Variants in SHOC1 observed in about 807,000 individuals in gnomAD.
SHOC1 encodes protein shortage in chiasmata 1 ortholog.
In SHOC1, 136 loss-of-function variants were observed where a neutral mutation model predicts 179.2. The observed-to-expected ratio is 0.76, with a 90% CI of 0.66 to 0.87. The LOEUF (loss-of-function observed/expected upper bound fraction) is 0.87, where lower values mean the gene tolerates loss of function less well. Ranked by LOEUF, SHOC1 falls within the 40% of genes least tolerant of loss-of-function variation. The pLI, the probability that SHOC1 is intolerant of heterozygous loss-of-function variation, is 0.00. For missense variants in SHOC1, 1,538 were observed against 1,700.8 expected, an observed-to-expected ratio of 0.90 and a Z score of 1.68; for synonymous variants, 489 against 586.6, an observed-to-expected ratio of 0.83 and a Z score of 2.41.
At chr9:111,720,023 A>C (rs898254641) in intron 15 of SHOC1, among the ~76,000 whole-genome samples, 3 of 152,214 alleles carry the variant, frequency 2.0e-5, no homozygotes, top group Non-Finnish European at 4.4e-5. Flanking sequence ...AGAATACATG[A>C]AACAGCTATC....
rs373099053 is a variant in SHOC1, at chr9:111,728,035, T to C, written c.1432A>G (p.Lys478Glu). Reference protein sequence around the residue: ...VLQLESCLEHKSHSSPIALID... With the variant: ...VLQLESCLEHESHSSPIALID... ...AGTGCAATAGGTGAAGAATGACTTTTATGTTCTAGACATGCTGAAAACAGA... is the reference window on the plus strand; with the variant it reads ...AGTGCAATAGGTGAAGAATGACTTTCATGTTCTAGACATGCTGAAAACAGA... Residue 478 changes from lysine to glutamate, a missense_variant, in exon 13 of 28, where the codon AAA becomes GAA. Transcript: ENST00000682961. 60 of 1,591,142 alleles carry C rather than the reference T, an allele frequency of 3.8e-5. No individual in the cohort carries two copies. Among genetic ancestry groups the C allele is most frequent in the Admixed American group, 1.8e-5 (1 of 55,808 alleles).
At chr9:111,766,064 C>T (rs1472276709) in intron 5 of SHOC1, among the ~76,000 whole-genome samples, 4 of 152,156 alleles carry the variant, frequency 2.6e-5, no homozygotes, top group African/African-American at 9.7e-5. Context: ...TTCCCTACTA[C>T]CCTTCCCTGC....
intron 8 of SHOC1, among the ~76,000 whole-genome samples, chr9:111,755,511 TA>T (rs1382356883): frequency 1.3e-5 from 2 of 152,208 alleles, no homozygotes; most frequent in Non-Finnish European, 2.9e-5. Flanking sequence ...AGAGGGCAGT[TA>T]AATATTTGGG....
chr9:111,691,821 AT>A lies in SHOC1; in HGVS notation c.4155del (p.Lys1385AsnfsTer72), dbSNP rs772923133. ...QYGAQQTACN[K>X]LYSQKGNLFT... The stretch of plus-strand genomic sequence containing the variant: ...AATAAATTACCTTTCTGAGAGTACA[AT>A]TTGTTACATGCAGTCTGCTGTGCAC... On this transcript the variant is annotated frameshift_variant, in exon 27 of 28. Coordinates refer to ENST00000682961, the MANE Select transcript of SHOC1 (RefSeq NM_001378211.1). LOFTEE classifies it high-confidence loss of function. 3 of 1,613,778 alleles carry A rather than the reference AT, an allele frequency of 1.9e-6. No homozygotes were observed. The African/African-American group carries it at 4.0e-5, about 22-fold the overall frequency.
At chr9:111,784,529 T>A (rs961087647) in intron 3 of SHOC1, among the ~76,000 whole-genome samples, 7 of 152,198 alleles carry the variant, frequency 4.6e-5, no homozygotes, top group African/African-American at 1.7e-4. Flanking sequence ...GACTTTTAAA[T>A]CCCCACCCTT....
chr9:111,704,279 T>C (rs1832141054), intron 21 of SHOC1, among the ~76,000 whole-genome samples: 1 of 152,236 alleles, frequency 6.6e-6, no homozygotes, highest in Non-Finnish European at 1.5e-5. Flanking sequence ...TAAATAATAA[T>C]TCATGAAATC....
chr9:111,727,763 T>G lies in SHOC1; in HGVS notation c.1704A>C (p.Lys568Asn). 1.2e-6 allele frequency: 2 copies of G among 1,613,540 alleles called. No homozygotes were observed. The highest frequency in any genetic ancestry group is 1.7e-6 in the Non-Finnish European group (2 of 1,179,694). ...SIKSPSSSII[K>N]KASFEHGKKQ... is the part of the protein sequence containing the mutation. ...TTTTGCCATGTTCAAAAGATGCTTTTTTAATTATTGAAGAGGAAGGTGATT... is the reference window on the plus strand; with the variant it reads ...TTTTGCCATGTTCAAAAGATGCTTTGTTAATTATTGAAGAGGAAGGTGATT... Residue 568 changes from lysine (K) to asparagine (N), a missense_variant, in exon 13 of 28, where the codon AAA (lysine) becomes AAC (asparagine). Coordinates refer to ENST00000682961, the MANE Select transcript of SHOC1 (RefSeq NM_001378211.1).
Position 111,705,194 on chromosome 9 carries a change from C to CAT in SHOC1, c.2855+52_2855+53insAT, listed in dbSNP as rs1564111623. ...ATACACACACACACACACACACACA[C>CAT]ACATATATATATAATGTACACTTTT... On this transcript the variant is annotated intron_variant, in intron 21 of 27. Transcript: ENST00000682961. The CAT allele has an allele frequency of 4.6e-5, 35 of 756,634 alleles. No individual in the cohort carries two copies. In the African/African-American group the frequency reaches 5.9e-4, roughly 13 times the overall value. 46.9% of individuals were successfully genotyped at this position (756,634 alleles called of 1,614,324 possible). A position where few individuals can be genotyped will look rare whatever the true frequency, so the allele number is the denominator to read the frequency against.
intron 2 of SHOC1, among the ~76,000 whole-genome samples, chr9:111,787,907 T>A (rs1405100459): frequency 6.6e-6 from 1 of 152,184 alleles, no homozygotes; most frequent in Non-Finnish European, 1.5e-5. Flanking sequence ...CAAGGCAAGA[T>A]GCTCCACCAG....
intron 5 of SHOC1, among the ~76,000 whole-genome samples, chr9:111,765,093 A>G (rs2131587911): frequency 6.6e-6 from 1 of 151,892 alleles, no homozygotes; most frequent in African/African-American, 2.4e-5. Flanking sequence ...GTGAGCCGAG[A>G]TCACGCCACT....
At chr9:111,689,820 C>T (rs1007755673) in intron 27 of SHOC1, among the ~76,000 whole-genome samples, 3 of 151,978 alleles carry the variant, frequency 2.0e-5, no homozygotes, top group African/African-American at 7.2e-5. Flanking sequence ...GACTATTCTA[C>T]TCATATACCT....
chr9:111,756,224 C>A, intron 8 of SHOC1, 101 bp downstream of exon 8: 1 of 914,824 alleles, frequency 1.1e-6, no homozygotes, highest in South Asian at 2.8e-5. Flanking sequence ...AACATTTTTG[C>A]AAAATCTGGA....
Position 111,786,650 on chromosome 9 carries a change from G to C in SHOC1, c.46-615C>G, listed in dbSNP as rs138100092. On this transcript the variant is annotated intron_variant, in intron 2 of 27. Coordinates refer to ENST00000682961, the MANE Select transcript of SHOC1 (RefSeq NM_001378211.1). Reference sequence around the variant, plus strand: ...CTGTCCCAACATTTGAAACTTTTCCGTTATTATTCTATATGTTATGATAAT... The same window carrying C: ...CTGTCCCAACATTTGAAACTTTTCCCTTATTATTCTATATGTTATGATAAT... Among the ~76,000 whole-genome samples the C allele has an allele frequency of 2.6e-3, 393 of 151,414 alleles. 1 individual carries two copies. The highest frequency in any genetic ancestry group is 4.3e-3 in the Non-Finnish European group (292 of 67,936).
intron 13 of SHOC1, among the ~76,000 whole-genome samples, chr9:111,725,711 T>C (rs12352062): frequency 0.19 from 29,393 of 152,218 alleles, 2,995 homozygotes; most frequent in Non-Finnish European, 0.22. Context: ...AACACTTAAT[T>C]GAGGAAACAT....
At chr9:111,704,893 C>T (rs1477465027) in intron 21 of SHOC1, among the ~76,000 whole-genome samples, 1 of 151,848 alleles carries the variant, frequency 6.6e-6, no homozygotes, top group Non-Finnish European at 1.5e-5. Flanking sequence ...ATATAATTCA[C>T]AGAAAAAAGC....
At chr9:111,688,031 A>C (rs374170236) in intron 27 of SHOC1, among the ~76,000 whole-genome samples, 1 of 152,194 alleles carries the variant, frequency 6.6e-6, no homozygotes, top group African/African-American at 2.4e-5. Flanking sequence ...GGGAATATTA[A>C]TGACGACAGG....
chr9:111,793,367 C>G (rs1480102335), intron 1 of SHOC1, among the ~76,000 whole-genome samples: 2 of 152,142 alleles, frequency 1.3e-5, no homozygotes, highest in Non-Finnish European at 2.9e-5. Context: ...TCTTGTGAAG[C>G]CTAGTATTTC....
chr9:111,705,148 A>G (rs1225904441), intron 21 of SHOC1, 99 bp downstream of exon 21: 1 of 444,478 alleles, frequency 2.2e-6, no homozygotes, highest in African/African-American at 2.2e-5. Flanking sequence ...ACAGCATAAT[A>G]TTTAGCCTAT....
At chr9:111,758,366 C>T (rs543319073) in intron 6 of SHOC1, among the ~76,000 whole-genome samples, 171 bp from the exon 7 acceptor site, 14 of 152,086 alleles carry the variant, frequency 9.2e-5, no homozygotes, top group African/African-American at 1.7e-4. Flanking sequence ...GAGGCCGAGG[C>T]GGGTGGATCA....
Sources: allele counts gnomAD v4.1 joint callset (sites outside exome capture counted in the v4.1 genomes callset), GRCh38; gene constraint gnomAD v4.1.1; transcripts MANE v1.5; gene names NCBI Gene and HGNC (gene_info 2026-07-23, HGNC 2026-07-21).